The following SHB variants were observed in gnomAD, a reference collection of about 807,000 sequenced individuals.
The protein encoded by SHB is SH2 domain-containing adapter protein B.
A neutral mutation model predicts 52.3 loss-of-function variants in SHB; 20 were observed. That is an observed-to-expected ratio of 0.38 (90% CI 0.27 to 0.56). The LOEUF (loss-of-function observed/expected upper bound fraction) is 0.56. Ranked by LOEUF, SHB falls within the 20% of genes least tolerant of loss-of-function variation. The probability of loss-of-function intolerance (pLI) is 0.71; values close to 1 mark genes in which losing one functional copy is unlikely to be tolerated. For synonymous variants in SHB, 397 were observed against 316.5 expected (o/e 1.25, Z -2.70); for missense variants, 825 against 723.3 (o/e 1.14, Z -1.61).
chr9:37,948,550 C>A, intron 5 of SHB, 85 bp downstream of exon 5: 1 of 1,538,856 alleles, frequency 6.5e-7, no homozygotes, highest in African/African-American at 1.4e-5. Flanking sequence ...GGGACACTGG[C>A]GGGTTTTTCT....
chr9:37,945,704 G>A (rs1832483517), intron 5 of SHB, among the ~76,000 whole-genome samples: 1 of 152,226 alleles, frequency 6.6e-6, no homozygotes, highest in South Asian at 2.1e-4. Flanking sequence ...ACACAGAGTT[G>A]ATGGTAGAGG....
Position 37,947,390 on chromosome 9 carries a change from G to A in SHB, c.1346+1245C>T, listed in dbSNP as rs564933121. On this transcript the variant is annotated intron_variant, in intron 5 of 5. Coordinates refer to ENST00000377707, the MANE Select transcript of SHB (RefSeq NM_003028.3). ...TGGCTATTAGGAAACTTTTCCTCTTGCAGAGCTGGAATCTGTCTATGCATT... is the reference window on the plus strand; with the variant it reads ...TGGCTATTAGGAAACTTTTCCTCTTACAGAGCTGGAATCTGTCTATGCATT... Among the ~76,000 whole-genome samples the A allele has an allele frequency of 7.2e-5, 11 of 152,312 alleles. No homozygotes were observed. In the South Asian group the frequency reaches 2.3e-3, roughly 32 times the overall value.
intron 1 of SHB, among the ~76,000 whole-genome samples, chr9:38,025,681 C>T (rs370020236): frequency 2.0e-5 from 3 of 152,196 alleles, no homozygotes; most frequent in Non-Finnish European, 4.4e-5. Context: ...CCTGAGCCAA[C>T]GCACATGGTG....
chr9:37,995,581 A>G (rs1385707995), intron 2 of SHB, among the ~76,000 whole-genome samples: 1 of 152,038 alleles, frequency 6.6e-6, no homozygotes, highest in Non-Finnish European at 1.5e-5. Context: ...CATCACCCCA[A>G]AGGTCCTTAC....
intron 3 of SHB, among the ~76,000 whole-genome samples, chr9:37,972,067 C>G (rs1403960059): frequency 2.0e-5 from 3 of 152,144 alleles, no homozygotes; most frequent in African/African-American, 7.2e-5. Flanking sequence ...TAACAAGATG[C>G]CAGACTAGAC....
At chr9:38,034,553 T>C (rs1315545006) in intron 1 of SHB, among the ~76,000 whole-genome samples, 4 of 152,250 alleles carry the variant, frequency 2.6e-5, no homozygotes, top group African/African-American at 9.6e-5. Context: ...GAAATCTTTT[T>C]GAGAACTTCT....
intron 3 of SHB, among the ~76,000 whole-genome samples, chr9:37,956,744 C>T (rs933423996): frequency 3.9e-5 from 6 of 152,188 alleles, no homozygotes; most frequent in East Asian, 3.8e-4. Flanking sequence ...GAGCAGAAAG[C>T]GCTGAGCTAA....
chr9:38,004,709 C>T (rs577974014), intron 2 of SHB, among the ~76,000 whole-genome samples: 4 of 152,182 alleles, frequency 2.6e-5, no homozygotes, highest in South Asian at 2.1e-4. Flanking sequence ...GGTAGCTTCA[C>T]GGAGGGCTGT....
At chr9:37,957,428 A>T (rs1184030539) in intron 3 of SHB, among the ~76,000 whole-genome samples, 1 of 152,150 alleles carries the variant, frequency 6.6e-6, no homozygotes, top group African/African-American at 2.4e-5. Flanking sequence ...CATCTTCCCT[A>T]TCAGGGACTG....
chr9:38,017,584 C>T (rs919980057), intron 1 of SHB, among the ~76,000 whole-genome samples: 1 of 152,196 alleles, frequency 6.6e-6, no homozygotes, highest in African/African-American at 2.4e-5. Context: ...TAGCACACAG[C>T]GGTCACTGCT....
At chr9:37,942,529 G>A (rs1367110498) in intron 5 of SHB, among the ~76,000 whole-genome samples, 1 of 152,216 alleles carries the variant, frequency 6.6e-6, no homozygotes, top group African/African-American at 2.4e-5. Flanking sequence ...TGTCTACTCT[G>A]CTGCTTCCGT....
chr9:38,038,721 G>GA (rs1821523467), intron 1 of SHB, among the ~76,000 whole-genome samples: 1 of 152,140 alleles, frequency 6.6e-6, no homozygotes. Context: ...CCCTACTCGG[G>GA]TCATGAGCCA....
At chr9:37,961,505 C>T (rs111577697) in intron 3 of SHB, among the ~76,000 whole-genome samples, 13 of 152,282 alleles carry the variant, frequency 8.5e-5, no homozygotes, top group African/African-American at 3.1e-4. Context: ...TTCATTCTGG[C>T]GCTCAAGTTC....
intron 1 of SHB, among the ~76,000 whole-genome samples, chr9:38,037,668 G>GC (rs920768483): frequency 1.2e-4 from 18 of 152,186 alleles, no homozygotes; most frequent in Admixed American, 1.0e-3. Flanking sequence ...CATCGATTCA[G>GC]CCCCCATGTA....
intron 5 of SHB, among the ~76,000 whole-genome samples, chr9:37,943,062 C>G: frequency 6.6e-6 from 1 of 152,194 alleles, no homozygotes; most frequent in South Asian, 2.1e-4. Context: ...ACAGGTAAAG[C>G]CCCGACCCCT....
chr9:37,986,185 C>A (rs1426961691), intron 2 of SHB, among the ~76,000 whole-genome samples: 1 of 152,182 alleles, frequency 6.6e-6, no homozygotes, highest in Non-Finnish European at 1.5e-5. Context: ...ACGGACCCTG[C>A]CTGGTGTCAC....
At chr9:38,006,379 G>A (rs1451996402) in intron 2 of SHB, among the ~76,000 whole-genome samples, 1 of 152,202 alleles carries the variant, frequency 6.6e-6, no homozygotes, top group African/African-American at 2.4e-5. Context: ...GTTTCCGCAA[G>A]GTTTCCACAC....
At chr9:38,057,453 T>C (rs1020517583) in intron 1 of SHB, among the ~76,000 whole-genome samples, 15 of 152,182 alleles carry the variant, frequency 9.9e-5, no homozygotes, top group Non-Finnish European at 1.3e-4. Context: ...TTAATTTTGT[T>C]ATAAGGGGTA....
intron 2 of SHB, among the ~76,000 whole-genome samples, chr9:38,003,287 T>C (rs1821040476): frequency 6.6e-6 from 1 of 151,962 alleles, no homozygotes; most frequent in Non-Finnish European, 1.5e-5. Flanking sequence ...AGGACCTCCT[T>C]GGGTTCTGTC....
Sources: gnomAD v4.1 joint callset for allele counts (sites outside exome capture counted in the v4.1 genomes callset) on GRCh38, gnomAD v4.1.1 for gene constraint, MANE v1.5 for transcripts, NCBI Gene and HGNC (gene_info 2026-07-23, HGNC 2026-07-21) for gene names.